PTPN14: variants seen among roughly 807,000 people sequenced by gnomAD.
PTPN14 encodes protein tyrosine phosphatase non-receptor type 14.
Under a neutral mutation model 126.8 loss-of-function variants are expected in PTPN14, and 53 were observed. That is an observed-to-expected ratio of 0.42 (90% CI 0.34 to 0.53). The LOEUF is 0.53. Among genes scored for constraint, PTPN14 ranks in the 20% least tolerant of loss-of-function variants. PTPN14 has a pLI of 0.08. For missense variants in PTPN14, 1,257 were observed against 1,552.9 expected (o/e 0.81, Z 3.20); for synonymous variants, 630 against 599.3 (o/e 1.05, Z -0.75).
In PTPN14 at chr1:214,393,773, T is replaced by C. The variant is rs1187487988; in HGVS notation, c.851A>G (p.Asp284Gly). The C allele has an allele frequency of 1.9e-6, 3 of 1,589,484 alleles. No individual in the cohort carries two copies. The highest frequency in any genetic ancestry group is 3.3e-5 in the Admixed American group (2 of 59,880). The change falls in exon 10 of 19, where the codon GAT becomes GGT. Residue 284 changes from aspartate to glycine, a missense_variant. This residue lies in a region of PTPN14 where 1,021 missense variants were observed against 1,183.3 expected (regional missense o/e 0.86). Coordinates refer to ENST00000366956, the MANE Select transcript of PTPN14 (RefSeq NM_005401.5). ...AGAAATATACTTGGCATTTTCGATA[T>C]CATCCTTGGAAAAGAAGAGACAGAG... ...KEETALFHTDDIENAKYISRL... is the reference protein window; with the variant it reads ...KEETALFHTDGIENAKYISRL...
intron 1 of PTPN14, among the ~76,000 whole-genome samples, chr1:214,473,846 T>C (rs1304163145): frequency 6.6e-6 from 1 of 152,236 alleles, no homozygotes; most frequent in Non-Finnish European, 1.5e-5. Context: ...GTTTCTTCTA[T>C]CAATCAGTTT....
chr1:214,418,888 G>A (rs145477126), intron 3 of PTPN14, among the ~76,000 whole-genome samples: 432 of 152,294 alleles, frequency 2.8e-3, no homozygotes, highest in African/African-American at 9.4e-3. Flanking sequence ...GTTAATTTTC[G>A]AAGAAGGATG....
At chr1:214,437,949 ACTGG>A (rs1659956423) in intron 3 of PTPN14, among the ~76,000 whole-genome samples, 1 of 152,378 alleles carries the variant, frequency 6.6e-6, no homozygotes, top group Admixed American at 6.5e-5. Flanking sequence ...GGGAGTCAGG[ACTGG>A]GGTACAATAA....
intron 1 of PTPN14, among the ~76,000 whole-genome samples, chr1:214,520,065 A>AAAAAAAAAAAAAAAAAAAT: frequency 1.4e-5 from 1 of 71,140 alleles, no homozygotes; most frequent in Non-Finnish European, 2.4e-5. Context: ...AAAAAAAAAA[A>AAAAAAAAAAAAAAAAAAAT]ATATATATAT....
chr1:214,410,364 G>A (rs893756117), intron 5 of PTPN14, among the ~76,000 whole-genome samples: 9 of 149,302 alleles, frequency 6.0e-5, no homozygotes, highest in East Asian at 2.0e-4. Flanking sequence ...GCACAATCTC[G>A]GCTCACTGCA....
rs35489560 is a variant in PTPN14, at chr1:214,520,071, T to A, written c.-155+31112A>T. On this transcript the variant is annotated intron_variant, in intron 1 of 18. Coordinates refer to ENST00000366956, the MANE Select transcript of PTPN14 (RefSeq NM_005401.5). Reference sequence around the variant, plus strand: ...TCAAAAAAAAAAAAAAAAAAATATATATATATATATATGCAGAATATATGC... The same window carrying A: ...TCAAAAAAAAAAAAAAAAAAATATAAATATATATATATGCAGAATATATGC... 4.4e-3 allele frequency among the ~76,000 whole-genome samples: 527 copies of A among 118,838 alleles called. 1 individual carries two copies. Among genetic ancestry groups the A allele is most frequent in the African/African-American group, 0.014 (418 of 29,882 alleles). The allele number at this position is 118,838 out of a possible 152,430, so 78.0% of individuals were successfully genotyped here.
intron 1 of PTPN14, among the ~76,000 whole-genome samples, chr1:214,498,622 G>A (rs1654605381): frequency 6.6e-6 from 1 of 151,992 alleles, no homozygotes; most frequent in Non-Finnish European, 1.5e-5. Context: ...TTATTCTAAA[G>A]ATGCATATTT....
intron 1 of PTPN14, among the ~76,000 whole-genome samples, chr1:214,538,402 C>T (rs1655759528): frequency 6.6e-6 from 1 of 152,180 alleles, no homozygotes. Context: ...ATAAAAATAA[C>T]ATCTCCTTCA....
intron 1 of PTPN14, among the ~76,000 whole-genome samples, chr1:214,468,659 G>A (rs114865057): frequency 1.0e-3 from 156 of 152,276 alleles, no homozygotes; most frequent in African/African-American, 3.6e-3. Flanking sequence ...GTTAACAGTT[G>A]TTGAATCTGT....
Position 214,470,784 on chromosome 1 carries a change from C to CAAA in PTPN14, c.-154-5830_-154-5828dup, listed in dbSNP as rs71165975. On this transcript the variant is annotated intron_variant, in intron 1 of 18. Coordinates refer to ENST00000366956, the MANE Select transcript of PTPN14 (RefSeq NM_005401.5). ...GGGCAATAAGAGTGAAATTCCATCT[C>CAAA]AAAAAAAAAAAAAAAAACTGCACTT... 9.7e-5 allele frequency among the ~76,000 whole-genome samples: 10 copies of CAAA among 102,838 alleles called. 1 individual carries two copies. Among genetic ancestry groups the CAAA allele is most frequent in the Admixed American group, 2.4e-4 (2 of 8,506 alleles). The allele number at this position is 102,838 out of a possible 152,430, so 67.5% of individuals were successfully genotyped here. A position where few individuals can be genotyped will look rare whatever the true frequency, so the allele number is the denominator to read the frequency against.
intron 17 of PTPN14, among the ~76,000 whole-genome samples, chr1:214,367,503 C>T (rs1658110697): frequency 1.3e-5 from 2 of 152,202 alleles, no homozygotes. Context: ...CTCCCTCTGT[C>T]ATTCCCCTTT....
intron 1 of PTPN14, among the ~76,000 whole-genome samples, chr1:214,519,817 A>AG (rs1403906475): frequency 1.3e-5 from 2 of 151,912 alleles, no homozygotes; most frequent in Admixed American, 6.6e-5. Context: ...TGGGAGGCCA[A>AG]GGGGGGCGGA....
At chr1:214,392,181 G>C (rs1571969768) in intron 10 of PTPN14, among the ~76,000 whole-genome samples, 1 of 152,002 alleles carries the variant, frequency 6.6e-6, no homozygotes, top group African/African-American at 2.4e-5. Flanking sequence ...GAATTTAATG[G>C]GGGAGAGAGA....
At chr1:214,501,887 G>A (rs573518921) in intron 1 of PTPN14, among the ~76,000 whole-genome samples, 11 of 151,844 alleles carry the variant, frequency 7.2e-5, no homozygotes, top group African/African-American at 1.4e-4. Context: ...GTGAAACCCC[G>A]TCTCTATAAA....
chr1:214,536,495 T>A (rs1655712015), intron 1 of PTPN14, among the ~76,000 whole-genome samples: 1 of 151,962 alleles, frequency 6.6e-6, no homozygotes, highest in South Asian at 2.1e-4. Context: ...TTATTAAGAC[T>A]ACAAGTTAGC....
chr1:214,420,617 G>A (rs1000070604), intron 3 of PTPN14, among the ~76,000 whole-genome samples: 26 of 152,264 alleles, frequency 1.7e-4, no homozygotes, highest in Non-Finnish European at 3.4e-4. Flanking sequence ...AAATTACAGG[G>A]AATCCAAGTA....
At chr1:214,476,882 C>T (rs1424358115) in intron 1 of PTPN14, among the ~76,000 whole-genome samples, 1 of 152,144 alleles carries the variant, frequency 6.6e-6, no homozygotes, top group Non-Finnish European at 1.5e-5. Context: ...TTGCTATCAC[C>T]GCCATTATTA....
chr1:214,442,927 G>A (rs892700667), intron 3 of PTPN14, among the ~76,000 whole-genome samples: 23 of 151,706 alleles, frequency 1.5e-4, no homozygotes, highest in Non-Finnish European at 1.2e-4. Flanking sequence ...GGGTTCAAGC[G>A]ATTCTCCCGC....
intron 3 of PTPN14, among the ~76,000 whole-genome samples, chr1:214,448,879 T>C (rs888692265): frequency 1.8e-4 from 27 of 152,162 alleles, no homozygotes; most frequent in Non-Finnish European, 3.4e-4. Context: ...GTCAAAGTTC[T>C]TTGGCTCCTT....
Sources: allele counts gnomAD v4.1 joint callset (sites outside exome capture counted in the v4.1 genomes callset), GRCh38; gene constraint gnomAD v4.1.1; regional missense constraint gnomAD v4.1.1; transcripts MANE v1.5; gene names NCBI Gene and HGNC (gene_info 2026-07-23, HGNC 2026-07-21).